SP4: variants seen among roughly 807,000 people sequenced by gnomAD.
SP4 encodes the protein Sp4 transcription factor.
In SP4, 19 loss-of-function variants were observed where a neutral mutation model predicts 72.8. That is an observed-to-expected ratio of 0.26 (90% CI 0.18 to 0.38). The LOEUF (loss-of-function observed/expected upper bound fraction) is 0.38, where lower values mean the gene tolerates loss of function less well. Ranked by LOEUF, SP4 falls within the 10% of genes least tolerant of loss-of-function variation. The probability of loss-of-function intolerance (pLI) is 1.00; values close to 1 mark genes in which losing one functional copy is unlikely to be tolerated. For synonymous variants in SP4, 395 were observed against 333.1 expected (o/e 1.19, Z -2.02); for missense variants, 1,008 against 926.3 (o/e 1.09, Z -1.14).
In SP4 at chr7:21,428,550, G is replaced by T. The variant is rs1782706879; in HGVS notation, c.8-127G>T. 5.0e-6 allele frequency: 5 copies of T among 1,008,190 alleles called. No individual in the cohort carries two copies. The Admixed American group carries it at 1.1e-4, about 22-fold the overall frequency. 62.5% of individuals were successfully genotyped at this position (1,008,190 alleles called of 1,614,324 possible). On this transcript the variant is annotated intron_variant, in intron 1 of 5. Transcript: ENST00000222584. Reference sequence around the variant, plus strand: ...CTTCTCCCCCACCCCCTGCCGGTGTGCGTGGATCGCGGGTTTATGGAGATT... The same window carrying T: ...CTTCTCCCCCACCCCCTGCCGGTGTTCGTGGATCGCGGGTTTATGGAGATT...
intron 3 of SP4, among the ~76,000 whole-genome samples, chr7:21,434,566 T>A (rs1029303919): frequency 6.6e-6 from 1 of 152,196 alleles, no homozygotes; most frequent in Non-Finnish European, 1.5e-5. Flanking sequence ...ACTTTTTGTT[T>A]TGTTATTGGG....
At chr7:21,485,543 AT>A (rs1784792203) in intron 5 of SP4, among the ~76,000 whole-genome samples, 1 of 151,974 alleles carries the variant, frequency 6.6e-6, no homozygotes, top group Admixed American at 6.6e-5. Flanking sequence ...AAACACTGTT[AT>A]TTATTGATCT....
At chr7:21,460,457 A>G (rs186785681) in intron 3 of SP4, among the ~76,000 whole-genome samples, 96 of 152,272 alleles carry the variant, frequency 6.3e-4, no homozygotes, top group African/African-American at 2.3e-3. Context: ...TGAGTGTTAC[A>G]GCTCATAAAG....
At chr7:21,501,885 C>T (rs1781871984) in intron 5 of SP4, among the ~76,000 whole-genome samples, 1 of 152,124 alleles carries the variant, frequency 6.6e-6, no homozygotes, top group African/African-American at 2.4e-5. Flanking sequence ...AGCTGGCTAG[C>T]CACCCCTTTG....
intron 5 of SP4, among the ~76,000 whole-genome samples, chr7:21,485,809 TTTTTTCTGGAGCCTTC>T (rs559635466): frequency 1.1e-4 from 17 of 152,170 alleles, no homozygotes; most frequent in Middle Eastern, 3.4e-3. Flanking sequence ...CACATTTTCC[TTTTTTCTGGAGCCTTC>T]CATCTTTCTA....
At chr7:21,508,845 C>T (rs1351045765) in intron 5 of SP4, among the ~76,000 whole-genome samples, 1 of 137,172 alleles carries the variant, frequency 7.3e-6, no homozygotes, top group African/African-American at 2.8e-5. Flanking sequence ...CAAGGCCGTG[C>T]TCTGTCATCC....
Position 21,512,672 on chromosome 7 carries a change from C to G in SP4, c.*1403C>G, listed in dbSNP as rs766897326. The stretch of plus-strand genomic sequence containing the variant: ...CGCCTCCCAGGTTCAAGCGATTCTC[C>G]TGTCTTAGCCTCCTGAGTAGCTGGG... On this transcript the variant is annotated 3_prime_UTR_variant, in exon 6 of 6. Coordinates refer to ENST00000222584, the MANE Select transcript of SP4 (RefSeq NM_003112.5). The G allele has an allele frequency of 6.6e-6, 1 of 151,852 alleles. No individual in the cohort carries two copies. Among genetic ancestry groups the G allele is most frequent in the Admixed American group, 6.6e-5 (1 of 15,216 alleles). The allele number at this position is 151,852 out of a possible 1,614,324, so 9.4% of individuals were successfully genotyped here.
intron 3 of SP4, among the ~76,000 whole-genome samples, chr7:21,453,378 C>A (rs1392426563): frequency 6.6e-6 from 1 of 152,140 alleles, no homozygotes; most frequent in Non-Finnish European, 1.5e-5. Context: ...TAACAATTAT[C>A]TGTGGATGAT....
chr7:21,511,873 A>G lies in SP4; in HGVS notation c.*604A>G, dbSNP rs896212830. The G allele has an allele frequency of 1.3e-5, 2 of 153,126 alleles. No individual in the cohort carries two copies. The highest frequency in any genetic ancestry group is 4.8e-5 in the African/African-American group (2 of 41,454). 9.5% of individuals were successfully genotyped at this position (153,126 alleles called of 1,614,324 possible). ...CTCAGATCTTTATTACCACTACATT[A>G]TAGTAGTGTGTATGCAGACAATCAG... On this transcript the variant is annotated 3_prime_UTR_variant, in exon 6 of 6. Transcript: ENST00000222584.
In SP4 at chr7:21,461,158, G is replaced by A. The variant is rs558508779; in HGVS notation, c.1679-15921G>A. Among the ~76,000 whole-genome samples the A allele has an allele frequency of 5.9e-5, 9 of 152,354 alleles. No homozygotes were observed. In the East Asian group the frequency reaches 1.5e-3, roughly 26 times the overall value. ...ACCCAGTGGATTTCGCACCAGGGCT[G>A]CAGGTGGAGCTGCCTGCCAGTCCCG... On this transcript the variant is annotated intron_variant, in intron 3 of 5. Transcript: ENST00000222584.
rs375631453 is a variant in SP4 at position 21,510,742 on chromosome 7, G to A, written c.2108-280G>A. Among the ~76,000 whole-genome samples the A allele has an allele frequency of 8.5e-5, 13 of 152,284 alleles. No homozygotes were observed. The East Asian group carries it at 2.1e-3, about 25-fold the overall frequency. On this transcript the variant is annotated intron_variant, in intron 5 of 5. Coordinates refer to ENST00000222584, the MANE Select transcript of SP4 (RefSeq NM_003112.5). The stretch of plus-strand genomic sequence containing the variant: ...CTGCTAAAAACCCTCTTGCTTTGTA[G>A]ATGGGAAAACTGAGAGTTCCAGTGG...
intron 3 of SP4, among the ~76,000 whole-genome samples, chr7:21,472,454 G>C (rs1260357798): frequency 6.6e-6 from 1 of 151,932 alleles, no homozygotes. Context: ...CACCATGCCT[G>C]GCTAATTTTT....
intron 3 of SP4, among the ~76,000 whole-genome samples, chr7:21,455,936 C>T (rs1194411062): frequency 6.6e-6 from 1 of 152,172 alleles, no homozygotes; most frequent in African/African-American, 2.4e-5. Flanking sequence ...CCACAAGGGG[C>T]TGGACTTCCC....
At chr7:21,510,978 T>A in intron 5 of SP4, 44 bp from the exon 6 acceptor site, 6 of 1,541,052 alleles carry the variant, frequency 3.9e-6, no homozygotes, top group Non-Finnish European at 5.3e-6. Context: ...ATAATTTCAC[T>A]TAAGCAAAAT....
chr7:21,498,767 C>G (rs1432335164), intron 5 of SP4, among the ~76,000 whole-genome samples: 2 of 152,020 alleles, frequency 1.3e-5, no homozygotes, highest in African/African-American at 2.4e-5. Context: ...TATAATAAAC[C>G]AGATTCTTAA....
chr7:21,435,573 C>A (rs886261647), intron 3 of SP4, among the ~76,000 whole-genome samples: 3 of 151,974 alleles, frequency 2.0e-5, no homozygotes, highest in Admixed American at 1.3e-4. Flanking sequence ...TTTGGATTTC[C>A]CTAATGGGCA....
intron 5 of SP4, 56 bp from the exon 6 acceptor site, chr7:21,510,966 T>C (rs1782126311): frequency 6.6e-7 from 1 of 1,507,898 alleles, no homozygotes; most frequent in East Asian, 2.3e-5. Context: ...TTATTAAAAA[T>C]TATAATTTCA....
intron 3 of SP4, among the ~76,000 whole-genome samples, chr7:21,443,329 G>A (rs943139809): frequency 1.3e-5 from 2 of 152,242 alleles, no homozygotes; most frequent in Middle Eastern, 3.4e-3. Context: ...GAGAGTTTAC[G>A]ATCGTAAAAG....
chr7:21,491,343 C>T (rs1784972909), intron 5 of SP4, among the ~76,000 whole-genome samples: 1 of 151,910 alleles, frequency 6.6e-6, no homozygotes, highest in South Asian at 2.1e-4. Flanking sequence ...TGAAGATAGA[C>T]CACTGGAAAT....
Sources: allele counts gnomAD v4.1 joint callset (sites outside exome capture counted in the v4.1 genomes callset), GRCh38; gene constraint gnomAD v4.1.1; transcripts MANE v1.5; gene names NCBI Gene and HGNC (gene_info 2026-07-23, HGNC 2026-07-21).